The following HACE1 variants were observed in gnomAD, a reference collection of about 807,000 sequenced individuals.
HACE1 encodes E3 ubiquitin-protein ligase HACE1.
In HACE1, 73 loss-of-function variants were observed where a neutral mutation model predicts 118.4. That is an observed-to-expected ratio of 0.62 (90% CI 0.51 to 0.75). The LOEUF (loss-of-function observed/expected upper bound fraction) is 0.75. Ranked by LOEUF, HACE1 falls within the 30% of genes least tolerant of loss-of-function variation. The pLI is 0.00. For missense variants in HACE1, 749 were observed against 1,102.2 expected, an observed-to-expected ratio of 0.68 and a Z score of 4.54; for synonymous variants, 368 against 374.8, an observed-to-expected ratio of 0.98 and a Z score of 0.21.
chr6:104,821,934 T>C (rs1208752443), intron 6 of HACE1, among the ~76,000 whole-genome samples: 2 of 152,160 alleles, frequency 1.3e-5, no homozygotes, highest in African/African-American at 4.8e-5. Flanking sequence ...TTTAAAGTAA[T>C]GCTATTTTCA....
chr6:104,739,459 A>G (rs1252172375), intron 22 of HACE1, among the ~76,000 whole-genome samples: 9 of 152,084 alleles, frequency 5.9e-5, no homozygotes, highest in Non-Finnish European at 8.8e-5. Context: ...TCAAAATAAA[A>G]GGATGGAGGA....
At chr6:104,818,579 TA>T (rs897838465) in intron 6 of HACE1, among the ~76,000 whole-genome samples, 1 of 150,190 alleles carries the variant, frequency 6.7e-6, no homozygotes, top group African/African-American at 2.4e-5. Context: ...AGAGATACAA[TA>T]AAAAAAAATG....
intron 1 of HACE1, among the ~76,000 whole-genome samples, chr6:104,854,571 C>T (rs898605937): frequency 4.1e-5 from 6 of 146,664 alleles, no homozygotes; most frequent in African/African-American, 1.0e-4. Flanking sequence ...ATCAACCATA[C>T]GTAATATGTA....
At chr6:104,789,139 T>C (rs1167148781) in intron 11 of HACE1, among the ~76,000 whole-genome samples, 3 of 152,258 alleles carry the variant, frequency 2.0e-5, no homozygotes, top group South Asian at 2.1e-4. Flanking sequence ...CTGATTCCCA[T>C]GGATGACAAT....
In HACE1 at chr6:104,759,973, C is replaced by T. The variant is rs182494769; in HGVS notation, c.2212-9501G>A. On this transcript the variant is annotated intron_variant, in intron 19 of 23. Transcript: ENST00000262903. The stretch of plus-strand genomic sequence containing the variant: ...GAAGAAATGGATAAATTCCTAGACA[C>T]ATACACCATCCCAAGACTAAACCAG... 3.4e-3 allele frequency among the ~76,000 whole-genome samples: 514 copies of T among 152,272 alleles called. 5 individuals are homozygous for T. Among genetic ancestry groups the T allele is most frequent in the Non-Finnish European group, 4.0e-3 (269 of 68,016 alleles).
chr6:104,820,682 A>C (rs1359330793), intron 6 of HACE1, among the ~76,000 whole-genome samples: 1 of 152,184 alleles, frequency 6.6e-6, no homozygotes, highest in Non-Finnish European at 1.5e-5. Context: ...TAAAAAGTCA[A>C]AAAACAACAG....
At chr6:104,855,041 A>G (rs1776582000) in intron 1 of HACE1, among the ~76,000 whole-genome samples, 1 of 152,182 alleles carries the variant, frequency 6.6e-6, no homozygotes, top group African/African-American at 2.4e-5. Context: ...CAACCACCCT[A>G]TGAAGTAGGT....
At chr6:104,798,086 A>C (rs1467131619) in intron 7 of HACE1, among the ~76,000 whole-genome samples, 1 of 151,842 alleles carries the variant, frequency 6.6e-6, no homozygotes, top group Admixed American at 6.6e-5. Context: ...AAAAAAAAGA[A>C]AGAAAGAAAG....
chr6:104,853,230 T>TG (rs1433762191), intron 1 of HACE1, among the ~76,000 whole-genome samples: 1 of 152,240 alleles, frequency 6.6e-6, no homozygotes, highest in East Asian at 1.9e-4. Flanking sequence ...GCCACACTGT[T>TG]GGACTTCCCA....
rs775309908 is a variant in HACE1, at chr6:104,772,020, T to C, written c.1919A>G (p.Tyr640Cys). Residue 640 changes from tyrosine to cysteine, a missense_variant, in exon 18 of 24, where the codon TAT becomes TGT. Coordinates refer to ENST00000262903, the MANE Select transcript of HACE1 (RefSeq NM_020771.4). ...CAAGATCTGCCCAGCAAACCGAAAA[T>C]AGTTCAAGTGATCAGGATTTACATA... ...NSYVNPDHLN[Y>C]FRFAGQILGL... is the part of the protein sequence containing the mutation. The C allele has an allele frequency of 1.9e-6, 3 of 1,609,198 alleles. No individual in the cohort carries two copies. The highest frequency in any genetic ancestry group is 1.3e-5 in the African/African-American group (1 of 74,808).
At chr6:104,823,549 A>C (rs1329751168) in intron 6 of HACE1, among the ~76,000 whole-genome samples, 1 of 152,112 alleles carries the variant, frequency 6.6e-6, no homozygotes, top group East Asian at 1.9e-4. Flanking sequence ...AAAATATGCA[A>C]CTATTAAAAG....
chr6:104,854,194 A>C (rs1776505989), intron 1 of HACE1, among the ~76,000 whole-genome samples: 1 of 152,212 alleles, frequency 6.6e-6, no homozygotes, highest in Non-Finnish European at 1.5e-5. Flanking sequence ...CCTCTTTAAA[A>C]GTCTCACGAC....
intron 4 of HACE1, chr6:104,845,835 TTAGGAAAACC>T (rs1424258444): frequency 6.6e-6 from 1 of 152,192 alleles, no homozygotes; most frequent in East Asian, 1.9e-4. Context: ...TAACACACTG[TTAGGAAAACC>T]TTAAGAAATA....
In HACE1 at chr6:104,859,904, G is replaced by T. The variant is rs1482724248; in HGVS notation, c.-262C>A. On this transcript the variant is annotated 5_prime_UTR_variant, in exon 1 of 24. Coordinates refer to ENST00000262903, the MANE Select transcript of HACE1 (RefSeq NM_020771.4). ...GCCCCCGCCGCCGCGTCCCTCCCGGGCTCGCGTGGCCTTCTGGGAACTGTA... is the reference window on the plus strand; with the variant it reads ...GCCCCCGCCGCCGCGTCCCTCCCGGTCTCGCGTGGCCTTCTGGGAACTGTA... 1.7e-5 allele frequency: 8 copies of T among 458,924 alleles called. No individual in the cohort carries two copies. The highest frequency in any genetic ancestry group is 1.6e-4 in the South Asian group (6 of 36,714). 28.4% of individuals were successfully genotyped at this position (458,924 alleles called of 1,614,324 possible).
At chr6:104,786,420 G>C (rs1170346529) in intron 11 of HACE1, 3 of 100,552 alleles carry the variant, frequency 3.0e-5, no homozygotes, top group Non-Finnish European at 6.4e-5. Context: ...AAAAAAAAAA[G>C]ATGAGGAGAG....
At chr6:104,754,111 T>A (rs1264618800) in intron 19 of HACE1, among the ~76,000 whole-genome samples, 1 of 151,830 alleles carries the variant, frequency 6.6e-6, no homozygotes, top group African/African-American at 2.4e-5. Flanking sequence ...CACAATGCAA[T>A]CACAAGTATC....
intron 6 of HACE1, among the ~76,000 whole-genome samples, chr6:104,827,680 T>A (rs1352038982): frequency 1.3e-5 from 2 of 152,148 alleles, no homozygotes; most frequent in Non-Finnish European, 2.9e-5. Context: ...CTGAATCTAA[T>A]TAATGTCTGG....
chr6:104,844,094 G>A (rs1775382264), intron 4 of HACE1, among the ~76,000 whole-genome samples: 1 of 4,208 alleles, frequency 2.4e-4, no homozygotes, highest in African/African-American at 6.6e-4. Flanking sequence ...GAGTGCAGTG[G>A]CGGATCTTTG....
At chr6:104,772,903 T>C (rs965858748) in intron 17 of HACE1, among the ~76,000 whole-genome samples, 4 of 151,850 alleles carry the variant, frequency 2.6e-5, no homozygotes, top group African/African-American at 9.7e-5. Flanking sequence ...CTGCTTGGGG[T>C]GATGAAAAAG....
Sources: gnomAD v4.1 joint callset for allele counts (sites outside exome capture counted in the v4.1 genomes callset) on GRCh38, gnomAD v4.1.1 for gene constraint, MANE v1.5 for transcripts, NCBI Gene and HGNC (gene_info 2026-07-23, HGNC 2026-07-21) for gene names.